Variants in TRPC6 observed in about 807,000 individuals in gnomAD.
TRPC6 encodes short transient receptor potential channel 6.
A neutral mutation model predicts 90.7 loss-of-function variants in TRPC6; 55 were observed. The ratio of observed to expected loss-of-function variants is 0.61; its 90% CI spans 0.49 to 0.76. The LOEUF is 0.76. Ranked by LOEUF, TRPC6 falls within the 30% of genes least tolerant of loss-of-function variation. The pLI is 0.00. For missense variants in TRPC6, 989 were observed against 1,122.7 expected (o/e 0.88, Z 1.70); for synonymous variants, 393 against 393.0 (o/e 1.00, Z 0.00).
intron 1 of TRPC6, among the ~76,000 whole-genome samples, chr11:101,543,934 A>C (rs75032731): frequency 1.3e-5 from 2 of 152,134 alleles, no homozygotes; most frequent in Admixed American, 6.5e-5. Context: ...ACTGTCATCA[A>C]AGTGAACAGG....
intron 1 of TRPC6, 154 bp downstream of exon 1, chr11:101,583,180 T>C (rs1370964164): frequency 1.0e-6 from 1 of 985,010 alleles, no homozygotes. Context: ...CTCACTCAGG[T>C]CCCAGCCCTG....
chr11:101,541,116 A>T (rs143781789), intron 1 of TRPC6, among the ~76,000 whole-genome samples: 2 of 152,342 alleles, frequency 1.3e-5, no homozygotes, highest in East Asian at 3.9e-4. Flanking sequence ...TTCATAAGTA[A>T]AGAAATTTGG....
intron 1 of TRPC6, among the ~76,000 whole-genome samples, chr11:101,555,656 A>T (rs1489637967): frequency 6.6e-6 from 1 of 152,206 alleles, no homozygotes; most frequent in Non-Finnish European, 1.5e-5. Flanking sequence ...ATGTAAGAGA[A>T]TGCAAACTTT....
At chr11:101,460,158 T>A (rs548719283) in intron 10 of TRPC6, among the ~76,000 whole-genome samples, 35 of 152,318 alleles carry the variant, frequency 2.3e-4, no homozygotes, top group African/African-American at 7.2e-4. Flanking sequence ...GAATTTTATA[T>A]CTTCATATTA....
At chr11:101,582,960 C>T (rs1047004334) in intron 1 of TRPC6, among the ~76,000 whole-genome samples, 3 of 152,156 alleles carry the variant, frequency 2.0e-5, no homozygotes, top group Admixed American at 6.5e-5. Context: ...TCTGAATCAG[C>T]CCCCTGTTCA....
At chr11:101,554,853 G>C (rs1013802497) in intron 1 of TRPC6, among the ~76,000 whole-genome samples, 3 of 152,020 alleles carry the variant, frequency 2.0e-5, no homozygotes, top group African/African-American at 7.2e-5. Flanking sequence ...CCTTGCCCTA[G>C]CTTGTCCTCC....
chr11:101,573,577 G>C (rs1565252340), intron 1 of TRPC6, among the ~76,000 whole-genome samples: 1 of 152,198 alleles, frequency 6.6e-6, no homozygotes, highest in Non-Finnish European at 1.5e-5. Context: ...AAACTTCTTA[G>C]CTTTTGGACA....
chr11:101,497,508 A>G (rs1036101811), intron 2 of TRPC6, among the ~76,000 whole-genome samples: 2 of 152,188 alleles, frequency 1.3e-5, no homozygotes, highest in Non-Finnish European at 2.9e-5. Context: ...AAAAACAGAC[A>G]CGGCGGGAGT....
chr11:101,483,157 C>A lies in TRPC6; in HGVS notation c.1302G>T (p.Lys434Asn), dbSNP rs201162800. 2 of 1,613,984 alleles carry A rather than the reference C, an allele frequency of 1.2e-6. No individual in the cohort carries two copies. Among genetic ancestry groups the A allele is most frequent in the African/African-American group, 1.3e-5 (1 of 75,028 alleles). Residue 434 changes from lysine (K) to asparagine (N), a missense_variant, in exon 5 of 13, where the codon AAG (lysine) becomes AAT (asparagine). Physicochemically the swap from Lys to Asn is moderately conservative, Grantham distance 94. This residue lies in a region of TRPC6 where 486 missense variants were observed against 591.9 expected (regional missense o/e 0.82). Coordinates refer to ENST00000344327, the MANE Select transcript of TRPC6 (RefSeq NM_004621.6). ...ACTTCATGAATGGTCCACGCATTAT[C>A]TTCCCCATCTGCCACAACACACACC... ...YWFAPCSKMG[K>N]IMRGPFMKFV...
At chr11:101,462,106 C>G (rs1859018228) in intron 10 of TRPC6, among the ~76,000 whole-genome samples, 1 of 152,138 alleles carries the variant, frequency 6.6e-6, no homozygotes, top group Non-Finnish European at 1.5e-5. Flanking sequence ...TCAGGTTTAT[C>G]AAAGATCAGA....
At chr11:101,556,582 C>A (rs931111503) in intron 1 of TRPC6, among the ~76,000 whole-genome samples, 1 of 152,078 alleles carries the variant, frequency 6.6e-6, no homozygotes, top group Admixed American at 6.6e-5. Context: ...AGTCTTTCAT[C>A]AAAGAAAAGC....
intron 1 of TRPC6, among the ~76,000 whole-genome samples, chr11:101,567,409 T>C (rs1421966084): frequency 6.6e-6 from 1 of 151,416 alleles, no homozygotes; most frequent in African/African-American, 2.4e-5. Context: ...GGACAGAGCA[T>C]CTGGGGGAAG....
chr11:101,478,854 CT>C (rs1565209910), intron 5 of TRPC6, among the ~76,000 whole-genome samples: 2 of 152,172 alleles, frequency 1.3e-5, no homozygotes. Flanking sequence ...AGTCAGCTCC[CT>C]CTGCCTTCAA....
chr11:101,534,982 C>T (rs1005350582), intron 1 of TRPC6, among the ~76,000 whole-genome samples: 10 of 151,938 alleles, frequency 6.6e-5, no homozygotes, highest in African/African-American at 2.2e-4. Flanking sequence ...GCCAACATGG[C>T]AAAACCCTGT....
intron 1 of TRPC6, among the ~76,000 whole-genome samples, chr11:101,555,738 AT>A (rs945578669): frequency 1.3e-5 from 2 of 151,948 alleles, no homozygotes; most frequent in African/African-American, 2.4e-5. Flanking sequence ...AGAACTAGTC[AT>A]TTTTTTTCTG....
At chr11:101,550,886 C>T (rs1274835591) in intron 1 of TRPC6, among the ~76,000 whole-genome samples, 3 of 151,550 alleles carry the variant, frequency 2.0e-5, no homozygotes, top group African/African-American at 7.3e-5. Flanking sequence ...CACCTAATAT[C>T]ATTGTGATAT....
chr11:101,473,422 A>G, intron 7 of TRPC6, 87 bp downstream of exon 7: 1 of 1,488,562 alleles, frequency 6.7e-7, no homozygotes, highest in Non-Finnish European at 9.2e-7. Context: ...TTACCAAAAC[A>G]TTATCCCATG....
intron 1 of TRPC6, among the ~76,000 whole-genome samples, chr11:101,558,192 T>C (rs1861605235): frequency 7.6e-6 from 1 of 131,728 alleles, no homozygotes; most frequent in Non-Finnish European, 1.6e-5. Flanking sequence ...TAAACATACA[T>C]ATATATGTGT....
At chr11:101,525,903 G>A (rs1000446002) in intron 1 of TRPC6, among the ~76,000 whole-genome samples, 1 of 152,222 alleles carries the variant, frequency 6.6e-6, no homozygotes, top group Non-Finnish European at 1.5e-5. Flanking sequence ...GGCATCGCCA[G>A]CAGGAACTAA....
Sources: allele counts gnomAD v4.1 joint callset (sites outside exome capture counted in the v4.1 genomes callset), GRCh38; gene constraint gnomAD v4.1.1; regional missense constraint gnomAD v4.1.1; transcripts MANE v1.5; gene names NCBI Gene and HGNC (gene_info 2026-07-23, HGNC 2026-07-21).